RELN: variants seen among roughly 807,000 people sequenced by gnomAD.
RELN encodes the protein reelin.
RELN carries 108 observed loss-of-function variants against 427.6 expected under a neutral mutation model. That is an observed-to-expected ratio of 0.25 (90% CI 0.22 to 0.30). The LOEUF (loss-of-function observed/expected upper bound fraction) is 0.30. Among genes scored for constraint, RELN ranks in the 10% least tolerant of loss-of-function variants. The pLI is 1.00. For synonymous variants in RELN, 1,524 were observed against 1,513.4 expected, an observed-to-expected ratio of 1.01 and a Z score of -0.16; for missense variants, 3,715 against 4,302.8, an observed-to-expected ratio of 0.86 and a Z score of 3.82.
chr7:103,782,179 T>A (rs943554406), intron 3 of RELN, among the ~76,000 whole-genome samples: 3 of 152,168 alleles, frequency 2.0e-5, no homozygotes, highest in African/African-American at 7.2e-5. Context: ...TTCATTATGA[T>A]CATCATATTC....
At chr7:103,590,290 G>A (rs1831379510) in intron 27 of RELN, among the ~76,000 whole-genome samples, 1 of 152,150 alleles carries the variant, frequency 6.6e-6, no homozygotes, top group Non-Finnish European at 1.5e-5. Context: ...CCGGCTGGGT[G>A]CGGTGGCTCA....
intron 2 of RELN, among the ~76,000 whole-genome samples, chr7:103,865,082 C>G (rs1455710791): frequency 7.2e-6 from 1 of 139,786 alleles, no homozygotes; most frequent in Non-Finnish European, 1.5e-5. Context: ...GGCAATGAGC[C>G]GAGGTCATGC....
At position 103,640,696 on chromosome 7, in the gene RELN, C is replaced by A. The variant is rs1832678719; in HGVS notation, c.2003-87G>T. The A allele has an allele frequency of 1.5e-6, 2 of 1,345,798 alleles. No homozygotes were observed. Among genetic ancestry groups the A allele is most frequent in the Admixed American group, 1.9e-5 (1 of 53,850 alleles). 83.4% of individuals were successfully genotyped at this position (1,345,798 alleles called of 1,614,324 possible). A position where few individuals can be genotyped will look rare whatever the true frequency, so the allele number is the denominator to read the frequency against. On this transcript the variant is annotated intron_variant, in intron 16 of 64. Coordinates refer to ENST00000428762, the MANE Select transcript of RELN (RefSeq NM_005045.4). This position sits in a 1 kb window ranked among gnomAD's most constrained non-coding sequence, Gnocchi z 4.1. ...TGAAGTAATACTCATGAAATATGGC[C>A]CCTTGTGTGTATGTTGTGTGCAGGA... is the stretch of plus-strand genomic sequence containing the variant.
chr7:103,566,774 A>G lies in RELN; in HGVS notation c.4589-15T>C, dbSNP rs748384438. 9.7e-5 allele frequency: 156 copies of G among 1,613,192 alleles called. No homozygotes were observed. Among genetic ancestry groups the G allele is most frequent in the South Asian group, 1.1e-5 (1 of 91,070 alleles). ...AACAATAAGCCCTGAGTTAAAAGAC[A>G]TAAATCCAGTTATTTGGACACTTTC... is the stretch of plus-strand genomic sequence containing the variant. On this transcript the variant is annotated splice_polypyrimidine_tract_variant and intron_variant, in intron 31 of 64. Coordinates refer to ENST00000428762, the MANE Select transcript of RELN (RefSeq NM_005045.4).
chr7:103,537,733 G>A (rs546091428), intron 45 of RELN, among the ~76,000 whole-genome samples: 96 of 152,284 alleles, frequency 6.3e-4, no homozygotes, highest in African/African-American at 2.2e-3. Context: ...ACTAGATGCA[G>A]ACCAAGACCT....
At chr7:103,729,950 G>A (rs112128131) in intron 6 of RELN, among the ~76,000 whole-genome samples, 1 of 151,664 alleles carries the variant, frequency 6.6e-6, no homozygotes, top group African/African-American at 2.4e-5. Flanking sequence ...TTATGCAAAT[G>A]ACTTCTTACT....
At chr7:103,683,748 T>C (rs1403567826) in intron 10 of RELN, among the ~76,000 whole-genome samples, 1 of 151,990 alleles carries the variant, frequency 6.6e-6, no homozygotes, top group Non-Finnish European at 1.5e-5. Context: ...GAAAATTCTC[T>C]TCTTTAGAGT....
rs3025965 is a variant in RELN, at chr7:103,629,641, T to A, written c.2702+299A>T. Among the ~76,000 whole-genome samples the A allele has an allele frequency of 0.38, 57,805 of 150,204 alleles. 11,768 individuals carry two copies. The highest frequency in any genetic ancestry group is 0.47 in the Non-Finnish European group (31,607 of 67,672). On this transcript the variant is annotated intron_variant, in intron 20 of 64. Transcript: ENST00000428762. The stretch of plus-strand genomic sequence containing the variant: ...CACTTTTTGAAGAGGTTTTTTTTTT[T>A]AAAATATGTAATTGTGGGAAATTAA...
At chr7:103,702,966 T>C (rs546043737) in intron 8 of RELN, among the ~76,000 whole-genome samples, 1 of 152,240 alleles carries the variant, frequency 6.6e-6, no homozygotes, top group African/African-American at 2.4e-5. Flanking sequence ...ACAGATCAAA[T>C]GTGTACCCTG....
intron 11 of RELN, among the ~76,000 whole-genome samples, chr7:103,676,173 A>G (rs1178127383): frequency 1.3e-5 from 2 of 152,318 alleles, no homozygotes; most frequent in Non-Finnish European, 2.9e-5. Context: ...ATCTACAATG[A>G]ACTCAAACAA....
intron 30 of RELN, among the ~76,000 whole-genome samples, chr7:103,572,581 G>T (rs1435610866): frequency 6.6e-6 from 1 of 151,702 alleles, no homozygotes; most frequent in African/African-American, 2.4e-5. Context: ...CTGTTGCCCA[G>T]GCTGGAATGC....
intron 60 of RELN, 37 bp downstream of exon 60, chr7:103,489,705 G>T (rs752024494): frequency 6.2e-7 from 1 of 1,608,780 alleles, no homozygotes; most frequent in Non-Finnish European, 8.5e-7. Context: ...GAACCTCTTG[G>T]TCTCCTCTAT....
At chr7:103,689,646 T>C (rs775600259) in intron 10 of RELN, among the ~76,000 whole-genome samples, 3 of 152,020 alleles carry the variant, frequency 2.0e-5, no homozygotes, top group Non-Finnish European at 4.4e-5. Flanking sequence ...GGCATATTGA[T>C]CCATTCAGAA....
intron 2 of RELN, among the ~76,000 whole-genome samples, chr7:103,893,854 A>G (rs865804737): frequency 9.2e-5 from 14 of 152,190 alleles, no homozygotes; most frequent in African/African-American, 1.7e-4. Flanking sequence ...AGTAATGTGT[A>G]TAATGAATCA....
chr7:103,758,829 C>T (rs1444223559), intron 4 of RELN, among the ~76,000 whole-genome samples: 6 of 151,376 alleles, frequency 4.0e-5, no homozygotes, highest in Non-Finnish European at 5.9e-5. Flanking sequence ...TCCAAATTCT[C>T]TCTCCAGTGG....
intron 7 of RELN, among the ~76,000 whole-genome samples, chr7:103,727,337 C>A (rs1790236594): frequency 6.6e-6 from 1 of 151,976 alleles, no homozygotes; most frequent in Non-Finnish European, 1.5e-5. Context: ...AGAGATGGTA[C>A]AAGAAGAGTA....
Position 103,640,091 on chromosome 7 carries a change from T to C in RELN, c.2069+452A>G, listed in dbSNP as rs1301028151. Among the ~76,000 whole-genome samples, 2 of 152,240 alleles carry C rather than the reference T, an allele frequency of 1.3e-5. No homozygotes were observed. Among genetic ancestry groups the C allele is most frequent in the African/African-American group, 4.8e-5 (2 of 41,462 alleles). ...AAAAGTAAACAAGACGCTTAAGTTA[T>C]ATTTAAAGATGATGAATTTGCTTAT... On this transcript the variant is annotated intron_variant, in intron 17 of 64. Transcript: ENST00000428762. This position sits in a 1 kb window ranked among gnomAD's most constrained non-coding sequence, Gnocchi z 4.1.
intron 2 of RELN, among the ~76,000 whole-genome samples, chr7:103,877,045 A>T (rs1794496397): frequency 6.6e-6 from 1 of 152,108 alleles, no homozygotes; most frequent in South Asian, 2.1e-4. Flanking sequence ...ATATTCCCCT[A>T]TGCCCTCACC....
intron 6 of RELN, among the ~76,000 whole-genome samples, chr7:103,740,023 A>G (rs1280762383): frequency 2.0e-5 from 3 of 152,196 alleles, no homozygotes; most frequent in Non-Finnish European, 4.4e-5. Context: ...AGATAATGGA[A>G]GATTCAGTGG....
Sources: allele counts gnomAD v4.1 joint callset (sites outside exome capture counted in the v4.1 genomes callset), GRCh38; gene constraint gnomAD v4.1.1; non-coding constraint Gnocchi (gnomAD v3.1); transcripts MANE v1.5; gene names NCBI Gene and HGNC (gene_info 2026-07-23, HGNC 2026-07-21).